STK32B: variants seen among roughly 807,000 people sequenced by gnomAD.
STK32B encodes serine/threonine-protein kinase 32B.
In STK32B, 43 loss-of-function variants were observed where a neutral mutation model predicts 52.6. The ratio of observed to expected loss-of-function variants is 0.82; its 90% CI spans 0.64 to 1.05. The LOEUF is 1.05. Among genes scored for constraint, STK32B ranks in the 50% least tolerant of loss-of-function variants. The probability of loss-of-function intolerance (pLI) is 0.00; values close to 1 mark genes in which losing one functional copy is unlikely to be tolerated. For missense variants in STK32B, 621 were observed against 534.6 expected, an observed-to-expected ratio of 1.16 and a Z score of -1.59; for synonymous variants, 238 against 204.3, an observed-to-expected ratio of 1.17 and a Z score of -1.41.
chr4:5,427,292 A>G (rs1046899253), intron 6 of STK32B, among the ~76,000 whole-genome samples: 1 of 152,200 alleles, frequency 6.6e-6, no homozygotes, highest in Non-Finnish European at 1.5e-5. Flanking sequence ...GAATCAATGT[A>G]CTAATATCTT....
intron 7 of STK32B, among the ~76,000 whole-genome samples, chr4:5,449,957 AAT>A (rs1715836494): frequency 6.6e-6 from 1 of 152,186 alleles, no homozygotes; most frequent in Non-Finnish European, 1.5e-5. Flanking sequence ...ACAATATCAT[AAT>A]AATAAAGTGT....
At chr4:5,158,731 A>G (rs977230486) in intron 2 of STK32B, among the ~76,000 whole-genome samples, 3 of 152,068 alleles carry the variant, frequency 2.0e-5, no homozygotes, top group Non-Finnish European at 4.4e-5. Context: ...TGCAGATGCC[A>G]TCTTCTCCCT....
intron 3 of STK32B, among the ~76,000 whole-genome samples, chr4:5,169,498 G>A (rs1445708188): frequency 6.6e-6 from 1 of 152,104 alleles, no homozygotes; most frequent in Non-Finnish European, 1.5e-5. Flanking sequence ...TGCACACTTA[G>A]AAGCACTTTG....
chr4:5,443,225 A>G (rs1159564876), intron 6 of STK32B, among the ~76,000 whole-genome samples: 1 of 146,656 alleles, frequency 6.8e-6, no homozygotes, highest in Non-Finnish European at 1.5e-5. Flanking sequence ...CATTCTCCCC[A>G]TCACTTTCAG....
intron 1 of STK32B, among the ~76,000 whole-genome samples, chr4:5,126,123 T>TCATA (rs1258325688): frequency 3.9e-5 from 6 of 152,348 alleles, no homozygotes; most frequent in Non-Finnish European, 8.8e-5. Flanking sequence ...GTTTGTCTTC[T>TCATA]CATACCACCC....
Position 5,128,009 on chromosome 4 carries a change from C to T in STK32B, c.53-11896C>T, listed in dbSNP as rs1045398057. ...ACCATGATTGTGAGGCCTCCCCAGCCATGTGGGACTGTGAGTCAGTTAAAC... is the reference window on the plus strand; with the variant it reads ...ACCATGATTGTGAGGCCTCCCCAGCTATGTGGGACTGTGAGTCAGTTAAAC... On this transcript the variant is annotated intron_variant, in intron 1 of 11. Transcript: ENST00000282908. Among the ~76,000 whole-genome samples the T allele has an allele frequency of 7.2e-5, 11 of 152,312 alleles. No individual in the cohort carries two copies. The East Asian group carries it at 1.9e-3, about 27-fold the overall frequency.
At chr4:5,026,110 A>T in the STK32B span, among the ~76,000 whole-genome samples, 1 of 152,216 alleles carries the variant, frequency 6.6e-6, no homozygotes, top group Non-Finnish European at 1.5e-5. Context: ...TCAGCTGCCC[A>T]TTGCTTAAGT....
intron 2 of STK32B, among the ~76,000 whole-genome samples, chr4:5,159,730 TATATATATGAATATATGAATGTATATGA>T (rs1560186513): frequency 9.5e-6 from 1 of 105,746 alleles, no homozygotes; most frequent in African/African-American, 7.7e-5. Context: ...TGTATATGAA[TATATATATGAATATATGAATGTATATGA>T]ATATATATAT....
intron 3 of STK32B, among the ~76,000 whole-genome samples, chr4:5,255,330 C>T (rs1249632087): frequency 6.6e-6 from 1 of 152,140 alleles, no homozygotes; most frequent in Non-Finnish European, 1.5e-5. Context: ...AGATGAATTG[C>T]TTGCATCTTG....
At position 5,051,892 on chromosome 4, in the gene STK32B, C is replaced by T. The variant is rs1741800733; in HGVS notation, c.29C>T (p.Pro10Leu). The stretch of plus-strand genomic sequence containing the variant: ...GGCGGGAACCACTCCCACAAGCCCC[C>T]CGTGTTTGACGAGAATGAGGAAGGT... MGGNHSHKP[P>L]VFDENEEVNF... Residue 10 changes from proline (P) to leucine (L), a missense_variant, in exon 1 of 12, where the codon CCC becomes CTC. Transcript: ENST00000282908. The T allele has an allele frequency of 2.5e-6, 4 of 1,600,074 alleles. No individual in the cohort carries two copies. The highest frequency in any genetic ancestry group is 1.7e-4 in the Middle Eastern group (1 of 6,054).
chr4:5,311,471 G>A (rs6814052), intron 3 of STK32B, among the ~76,000 whole-genome samples: 19,410 of 151,974 alleles, frequency 0.13, 2,669 homozygotes, highest in African/African-American at 0.35. Flanking sequence ...TAGGAGAACA[G>A]TAGAGAAAAT....
intron 3 of STK32B, among the ~76,000 whole-genome samples, chr4:5,190,924 A>G (rs1721143588): frequency 6.6e-6 from 1 of 152,204 alleles, no homozygotes; most frequent in African/African-American, 2.4e-5. Flanking sequence ...CCTGCAATTC[A>G]TAGCCAGCCT....
At chr4:5,109,017 G>A (rs1394100844) in intron 1 of STK32B, among the ~76,000 whole-genome samples, 3 of 152,196 alleles carry the variant, frequency 2.0e-5, no homozygotes, top group East Asian at 1.9e-4. Context: ...AAAGCCCACT[G>A]CTAAGGAGGA....
intron 2 of STK32B, among the ~76,000 whole-genome samples, chr4:5,147,192 G>A (rs950182025): frequency 2.6e-5 from 4 of 151,958 alleles, no homozygotes; most frequent in African/African-American, 9.7e-5. Context: ...GGGGGACAGG[G>A]GGAAGACACT....
chr4:5,115,487 A>G (rs1281274419), intron 1 of STK32B, among the ~76,000 whole-genome samples: 1 of 152,202 alleles, frequency 6.6e-6, no homozygotes, highest in Non-Finnish European at 1.5e-5. Flanking sequence ...ACAAAGACAA[A>G]GGAGAAAAGC....
rs1295360193 is a variant in STK32B at position 5,170,759 on chromosome 4, G to C, written c.260+2309G>C. Among the ~76,000 whole-genome samples, 3 of 152,198 alleles carry C rather than the reference G, an allele frequency of 2.0e-5. No homozygotes were observed. The South Asian group carries it at 6.2e-4, about 32-fold the overall frequency. On this transcript the variant is annotated intron_variant, in intron 3 of 11. Transcript: ENST00000282908. ...AGTCTTTGCTATTGTGAATAGTGCC[G>C]CAGTAAACATACGTGTGCATGTGTC...
At position 5,161,436 on chromosome 4, in the gene STK32B, T is replaced by C. The variant is rs894669564; in HGVS notation, c.109-6863T>C. Among the ~76,000 whole-genome samples, 6 of 152,332 alleles carry C rather than the reference T, an allele frequency of 3.9e-5. 1 individual carries two copies. The highest frequency in any genetic ancestry group is 3.4e-3 in the Middle Eastern group (1 of 294). On this transcript the variant is annotated intron_variant, in intron 2 of 11. Coordinates refer to ENST00000282908, the MANE Select transcript of STK32B (RefSeq NM_018401.3). ...GAGGTTCAGCATCTCTGAGACTTTC[T>C]TGGCCTCATGATCACAAGGGGCTGC...
At chr4:5,342,748 T>C (rs1243676624) in intron 4 of STK32B, among the ~76,000 whole-genome samples, 1 of 152,210 alleles carries the variant, frequency 6.6e-6, no homozygotes, top group Non-Finnish European at 1.5e-5. Context: ...AGGCACTTTT[T>C]CTACCTTGTT....
At chr4:5,479,178 G>C in intron 11 of STK32B, among the ~76,000 whole-genome samples, 1 of 148,546 alleles carries the variant, frequency 6.7e-6, no homozygotes, top group East Asian at 2.0e-4. Context: ...GGAGTGAAGT[G>C]GCATGATCTC....
Sources: allele counts gnomAD v4.1 joint callset (sites outside exome capture counted in the v4.1 genomes callset), GRCh38; gene constraint gnomAD v4.1.1; transcripts MANE v1.5; gene names NCBI Gene and HGNC (gene_info 2026-07-23, HGNC 2026-07-21).